TIAM2: variants seen among roughly 807,000 people sequenced by gnomAD.
TIAM2 encodes TIAM Rac1 associated GEF 2, also known as rho guanine nucleotide exchange factor TIAM2.
Under a neutral mutation model 152.9 loss-of-function variants are expected in TIAM2, and 80 were observed. The ratio of observed to expected loss-of-function variants is 0.52; its 90% CI spans 0.44 to 0.63. The LOEUF is 0.63. Ranked by LOEUF, TIAM2 falls within the 30% of genes least tolerant of loss-of-function variation. The probability of loss-of-function intolerance (pLI) is 0.00; values close to 1 mark genes in which losing one functional copy is unlikely to be tolerated. For missense variants in TIAM2, 1,965 were observed against 2,120.1 expected (o/e 0.93, Z 1.44); for synonymous variants, 804 against 838.0 (o/e 0.96, Z 0.70).
intron 2 of TIAM2, among the ~76,000 whole-genome samples, chr6:155,124,291 G>T (rs1779238922): frequency 6.6e-6 from 1 of 152,110 alleles, no homozygotes; most frequent in South Asian, 2.1e-4. Flanking sequence ...AAAGTGCTGG[G>T]ATTACAGGCT....
chr6:155,163,220 A>G (rs988248), intron 7 of TIAM2, among the ~76,000 whole-genome samples: 71,060 of 152,036 alleles, frequency 0.47, 17,068 homozygotes, highest in East Asian at 0.55. Flanking sequence ...AACTCTTCAC[A>G]CTGCATCCTT....
intron 1 of TIAM2, among the ~76,000 whole-genome samples, chr6:155,081,028 G>A (rs1004211460): frequency 3.9e-5 from 6 of 152,176 alleles, no homozygotes; most frequent in Admixed American, 2.6e-4. Context: ...GAGGTCCACA[G>A]TGAGGGGGCC....
intron 15 of TIAM2, among the ~76,000 whole-genome samples, chr6:155,215,882 A>T (rs1781845453): frequency 6.6e-6 from 1 of 151,686 alleles, no homozygotes; most frequent in Non-Finnish European, 1.5e-5. Flanking sequence ...ATCTCGACTC[A>T]CTGCTGCCTT....
chr6:155,065,699 G>A (rs1298816864), intron 1 of TIAM2, among the ~76,000 whole-genome samples: 5 of 152,176 alleles, frequency 3.3e-5, no homozygotes, highest in Non-Finnish European at 1.5e-5. Context: ...AACCTGGGAA[G>A]TGGAGGTTGC....
intron 15 of TIAM2, among the ~76,000 whole-genome samples, chr6:155,220,548 G>A (rs1782008217): frequency 6.6e-6 from 1 of 151,830 alleles, no homozygotes; most frequent in Admixed American, 6.6e-5. Flanking sequence ...GAGGTTGGAA[G>A]GATGCAGGGA....
intron 24 of TIAM2, chr6:155,253,296 G>T: frequency 2.1e-6 from 1 of 481,976 alleles, no homozygotes; most frequent in Non-Finnish European, 3.7e-6. Context: ...CCTATCAATA[G>T]TTTTCAACAT....
chr6:155,089,136 AC>A (rs1378607446), intron 1 of TIAM2, among the ~76,000 whole-genome samples: 1 of 150,680 alleles, frequency 6.6e-6, no homozygotes, highest in African/African-American at 2.4e-5. Flanking sequence ...TTAATATATA[AC>A]CAGGTGGTAG....
intron 1 of TIAM2, among the ~76,000 whole-genome samples, chr6:155,020,113 C>G (rs1368006384): frequency 6.6e-6 from 1 of 152,052 alleles, no homozygotes; most frequent in Non-Finnish European, 1.5e-5. Flanking sequence ...CTGGGTTCTT[C>G]AGGTTCTGCA....
intron 20 of TIAM2, 126 bp downstream of exon 20, chr6:155,248,305 T>A (rs892915654): frequency 6.4e-6 from 7 of 1,090,148 alleles, no homozygotes; most frequent in Non-Finnish European, 9.0e-6. Context: ...ACTTTTCAGT[T>A]CTGCGATGGT....
chr6:155,021,884 G>A (rs1172855733), intron 1 of TIAM2, among the ~76,000 whole-genome samples: 1 of 152,186 alleles, frequency 6.6e-6, no homozygotes, highest in African/African-American at 2.4e-5. Context: ...GCACACATCA[G>A]TGCTGTTTGA....
chr6:155,038,911 C>T lies in TIAM2; in HGVS notation c.-209+43419C>T, dbSNP rs147451165. 6.0e-3 allele frequency among the ~76,000 whole-genome samples: 900 copies of T among 148,774 alleles called. 8 individuals carry two copies. The highest frequency in any genetic ancestry group is 0.021 in the African/African-American group (847 of 40,554). Reference sequence around the variant, plus strand: ...TGTGCCACCACACTCTACACCACTGCACTCCAGCCTGGGTGACGGAGCGAG... The same window carrying T: ...TGTGCCACCACACTCTACACCACTGTACTCCAGCCTGGGTGACGGAGCGAG... On this transcript the variant is annotated intron_variant, in intron 1 of 26. Coordinates refer to ENST00000682666, the MANE Select transcript of TIAM2 (RefSeq NM_012454.4).
At chr6:155,172,659 TATATATATATATATATATATATATA>T (rs1562341006) in intron 9 of TIAM2, among the ~76,000 whole-genome samples, 62 of 9,026 alleles carry the variant, frequency 6.9e-3, no homozygotes, top group African/African-American at 0.015. Flanking sequence ...TATATATATA[TATATATATATATATATATATATATA>T]TATTTTTTTT....
chr6:155,042,978 ATTAC>A (rs1270129074), intron 1 of TIAM2, among the ~76,000 whole-genome samples: 8 of 152,102 alleles, frequency 5.3e-5, no homozygotes, highest in Non-Finnish European at 1.2e-4. Flanking sequence ...CGTCATGATA[ATTAC>A]TTTGTGTGAG....
At chr6:155,220,565 C>T (rs891516594) in intron 15 of TIAM2, among the ~76,000 whole-genome samples, 13 of 148,466 alleles carry the variant, frequency 8.8e-5, no homozygotes, top group African/African-American at 3.2e-4. Context: ...GGGAGGTCAC[C>T]AATTGCCCTT....
intron 1 of TIAM2, among the ~76,000 whole-genome samples, chr6:155,026,567 A>G (rs1051227709): frequency 1.3e-5 from 2 of 152,268 alleles, no homozygotes; most frequent in Non-Finnish European, 2.9e-5. Context: ...AAGAGGCTGC[A>G]TGCTGGAGGT....
chr6:155,087,794 A>G (rs1778205535), intron 1 of TIAM2, among the ~76,000 whole-genome samples: 1 of 152,150 alleles, frequency 6.6e-6, no homozygotes, highest in Non-Finnish European at 1.5e-5. Flanking sequence ...ATTTGTCCAT[A>G]CTGGGTTAAT....
At chr6:155,243,955 T>C (rs6902025) in intron 16 of TIAM2, 56 bp from the exon 17 acceptor site, 539,491 of 1,458,000 alleles carry the variant, frequency 0.37, 107,762 homozygotes, top group Middle Eastern at 0.5. Flanking sequence ...TACCCAAATC[T>C]CATGGGTATT....
At chr6:155,234,760 A>G (rs1782658707) in intron 15 of TIAM2, among the ~76,000 whole-genome samples, 1 of 152,200 alleles carries the variant, frequency 6.6e-6, no homozygotes, top group Non-Finnish European at 1.5e-5. Context: ...GGCTCAATAG[A>G]TGTCCCAGTT....
At chr6:155,123,728 T>C (rs945636690) in intron 2 of TIAM2, among the ~76,000 whole-genome samples, 2 of 152,118 alleles carry the variant, frequency 1.3e-5, no homozygotes, top group Non-Finnish European at 2.9e-5. Context: ...TTTGGCGAGC[T>C]CAGGGCCTGT....
Sources: allele counts gnomAD v4.1 joint callset (sites outside exome capture counted in the v4.1 genomes callset), GRCh38; gene constraint gnomAD v4.1.1; transcripts MANE v1.5; gene names NCBI Gene and HGNC (gene_info 2026-07-23, HGNC 2026-07-21).